The following TUT4 variants were observed in gnomAD, a reference collection of about 807,000 sequenced individuals.
The protein encoded by TUT4 is terminal uridylyl transferase 4, also known as terminal uridylyltransferase 4.
TUT4 carries 36 observed loss-of-function variants against 192.2 expected under a neutral mutation model. The ratio of observed to expected loss-of-function variants is 0.19; its 90% confidence interval spans 0.14 to 0.25. The LOEUF (loss-of-function observed/expected upper bound fraction) is 0.25, where lower values mean the gene tolerates loss of function less well. Among genes scored for constraint, TUT4 ranks in the 10% least tolerant of loss-of-function variants. The pLI, the probability that TUT4 is intolerant of heterozygous loss-of-function variation, is 1.00. For missense variants in TUT4, 1,493 were observed against 1,957.2 expected (o/e 0.76, Z 4.47); for synonymous variants, 618 against 666.0 (o/e 0.93, Z 1.11).
intron 24 of TUT4, among the ~76,000 whole-genome samples, chr1:52,441,881 T>A (rs555637777): frequency 6.6e-6 from 1 of 152,136 alleles, no homozygotes; most frequent in South Asian, 2.1e-4. Flanking sequence ...AAGGTATATG[T>A]CAGATGGCCA....
intron 14 of TUT4, 25 bp downstream of exon 14, chr1:52,471,927 A>T (rs1003610319): frequency 1.3e-6 from 2 of 1,596,432 alleles, no homozygotes; most frequent in African/African-American, 2.7e-5. Flanking sequence ...TCTAGTCCCA[A>T]TAGTTGTAGT....
intron 9 of TUT4, among the ~76,000 whole-genome samples, chr1:52,487,910 A>G (rs1227600941): frequency 1.3e-5 from 2 of 152,224 alleles, no homozygotes; most frequent in Non-Finnish European, 2.9e-5. Context: ...AGAGTTTACA[A>G]TTTCACAGTA....
At chr1:52,492,498 C>T (rs936519658) in intron 7 of TUT4, among the ~76,000 whole-genome samples, 3 of 142,744 alleles carry the variant, frequency 2.1e-5, no homozygotes, top group Non-Finnish European at 4.5e-5. Context: ...CTCATTCTTA[C>T]AACAACTTTC....
intron 20 of TUT4, among the ~76,000 whole-genome samples, chr1:52,450,896 G>A (rs983655299): frequency 4.0e-5 from 6 of 151,616 alleles, no homozygotes; most frequent in South Asian, 2.1e-4. Flanking sequence ...ATAGTATTCC[G>A]GCAAAGTGGC....
At chr1:52,497,321 G>T in intron 4 of TUT4, 138 bp from the exon 5 acceptor site, 1 of 859,428 alleles carries the variant, frequency 1.2e-6, no homozygotes, top group Non-Finnish European at 1.7e-6. Flanking sequence ...CCTACAATAC[G>T]GAAGTGAACA....
At chr1:52,432,699 T>A (rs1325478182) in intron 27 of TUT4, 1 of 152,262 alleles carries the variant, frequency 6.6e-6, no homozygotes, top group African/African-American at 2.4e-5. Context: ...GGCAGGCAGA[T>A]CACTTGAGCT....
chr1:52,484,251 A>G (rs1669235640), intron 9 of TUT4, among the ~76,000 whole-genome samples: 1 of 152,168 alleles, frequency 6.6e-6, no homozygotes, highest in African/African-American at 2.4e-5. Flanking sequence ...AAAACTAAAA[A>G]TAGCAATATA....
In TUT4 at chr1:52,475,142, C is replaced by G; in HGVS notation, c.2417G>C (p.Ser806Thr). 1 of 1,614,094 alleles carries G rather than the reference C, an allele frequency of 6.2e-7. No homozygotes were observed. ...CTTATCTAATTTTGGCTCTATTTCA[C>G]TGCTTTTGCTGGTAGAAAGAGATGA... is the stretch of plus-strand genomic sequence containing the variant. ...DSSSLSTSKSSEIEPKLDKKQ... is the reference protein window; with the variant it reads ...DSSSLSTSKSTEIEPKLDKKQ... The change falls in exon 13 of 30, where the codon AGT (serine) becomes ACT (threonine). Residue 806 changes from serine to threonine, a missense_variant. Transcript: ENST00000257177.
rs2147977199 is a variant in TUT4 at position 52,423,593 on chromosome 1, C to A, written c.*342G>T. ...AATAAAGAATGTAATTTTTTAAATT[C>A]TCTCTTTATACAATTCATCAAGGTT... is the stretch of plus-strand genomic sequence containing the variant. On this transcript the variant is annotated 3_prime_UTR_variant, in exon 30 of 30. Coordinates refer to ENST00000257177, the MANE Select transcript of TUT4 (RefSeq NM_001009881.3). The A allele has an allele frequency of 6.6e-6, 2 of 304,972 alleles. No homozygotes were observed. Among genetic ancestry groups the A allele is most frequent in the African/African-American group, 2.2e-5 (1 of 45,328 alleles). 18.9% of individuals were successfully genotyped at this position (304,972 alleles called of 1,614,324 possible).
chr1:52,458,398 T>C lies in TUT4; in HGVS notation c.3373A>G (p.Ile1125Val). Residue 1125 changes from isoleucine to valine, a missense_variant, in exon 20 of 30, where the codon ATC (isoleucine) becomes GTC (valine). Transcript: ENST00000257177. ...SRGSLSSYAYILMVLYFLQQR... is the reference protein window; with the variant it reads ...SRGSLSSYAYVLMVLYFLQQR... ...TGCAGAAAGTACAGCACCATAAGGA[T>C]ATATGCATATGAAGATAAACTTCCC... is the stretch of plus-strand genomic sequence containing the variant. 1 of 1,614,004 alleles carries C rather than the reference T, an allele frequency of 6.2e-7. No individual in the cohort carries two copies.
intron 1 of TUT4, among the ~76,000 whole-genome samples, chr1:52,531,811 C>T (rs1683493361): frequency 6.6e-6 from 1 of 150,520 alleles, no homozygotes; most frequent in African/African-American, 2.4e-5. Flanking sequence ...TTTTACTTTT[C>T]TCACAGCACT....
rs559730537 is a variant in TUT4 at position 52,501,071 on chromosome 1, A to T, written c.1000-3888T>A. ...GGCAATGATTTCTTGAATATGACAC[A>T]AAAGACATAGGCAACAAAAGTAAAA... On this transcript the variant is annotated intron_variant, in intron 4 of 29. Transcript: ENST00000257177. Among the ~76,000 whole-genome samples, 6 of 152,352 alleles carry T rather than the reference A, an allele frequency of 3.9e-5. No individual in the cohort carries two copies. In the East Asian group the frequency reaches 1.2e-3, roughly 29 times the overall value.
At chr1:52,432,039 C>T (rs188714290) in intron 27 of TUT4, 3 of 152,164 alleles carry the variant, frequency 2.0e-5, no homozygotes, top group Non-Finnish European at 1.5e-5. Flanking sequence ...CCCATATATA[C>T]AAAAAGTTGG....
At chr1:52,545,218 A>T (rs542365301) in intron 1 of TUT4, among the ~76,000 whole-genome samples, 1 of 152,156 alleles carries the variant, frequency 6.6e-6, no homozygotes, top group South Asian at 2.1e-4. Context: ...TCTACTAAAA[A>T]TACAAAATTT....
At chr1:52,504,432 C>T (rs908822331) in intron 4 of TUT4, among the ~76,000 whole-genome samples, 26 of 152,086 alleles carry the variant, frequency 1.7e-4, no homozygotes, top group Admixed American at 6.6e-4. Context: ...GAGTTTGAGA[C>T]CAGCCTGGCC....
Position 52,509,774 on chromosome 1 carries a change from A to T in TUT4, c.883-62T>A. On this transcript the variant is annotated intron_variant, in intron 3 of 29. Transcript: ENST00000257177. ...AAAACAGAGGAGTAAACTATTGACTATATAAGTGAATAATACAATTATGTA... is the reference window on the plus strand; with the variant it reads ...AAAACAGAGGAGTAAACTATTGACTTTATAAGTGAATAATACAATTATGTA... The T allele has an allele frequency of 1.7e-5, 15 of 906,616 alleles. No individual in the cohort carries two copies. In the South Asian group the frequency reaches 2.1e-4, roughly 13 times the overall value. The allele number at this position is 906,616 out of a possible 1,614,324, so 56.2% of individuals were successfully genotyped here.
At chr1:52,483,044 C>T (rs1165342815) in intron 9 of TUT4, among the ~76,000 whole-genome samples, 2 of 152,180 alleles carry the variant, frequency 1.3e-5, no homozygotes, top group African/African-American at 4.8e-5. Context: ...TTCACCCCTT[C>T]GAACACTAGG....
At position 52,458,378 on chromosome 1, in the gene TUT4, A is replaced by G; in HGVS notation, c.3393T>C (p.Phe1131=). The G allele has an allele frequency of 3.1e-6, 5 of 1,613,954 alleles. No individual in the cohort carries two copies. Among genetic ancestry groups the G allele is most frequent in the Non-Finnish European group, 4.2e-6 (5 of 1,179,914 alleles). ...SYAYILMVLY[F]LQQRKPPVIP... is the part of the protein sequence containing the mutation. ...TAACAGGTGGCTTTCTCTGCTGCAG[A>G]AAGTACAGCACCATAAGGATATATG... The change falls in exon 20 of 30, where the codon TTT becomes TTC. Residue 1131 remains phenylalanine (F), a synonymous_variant. Transcript: ENST00000257177.
intron 4 of TUT4, among the ~76,000 whole-genome samples, chr1:52,508,093 C>T (rs1056315878): frequency 6.6e-6 from 1 of 152,038 alleles, no homozygotes; most frequent in Non-Finnish European, 1.5e-5. Flanking sequence ...GATTACAGAC[C>T]TTAGCCACTG....
Sources: allele counts gnomAD v4.1 joint callset (sites outside exome capture counted in the v4.1 genomes callset), GRCh38; gene constraint gnomAD v4.1.1; transcripts MANE v1.5; gene names NCBI Gene and HGNC (gene_info 2026-07-23, HGNC 2026-07-21).